Variants in CYTH4 observed in about 807,000 individuals in gnomAD.
CYTH4 encodes cytohesin-4.
CYTH4 carries 22 observed loss-of-function variants against 57.5 expected under a neutral mutation model. The observed-to-expected ratio is 0.38, with a 90% CI of 0.27 to 0.55. The LOEUF (loss-of-function observed/expected upper bound fraction) is 0.55. CYTH4 is among the 20% of genes least tolerant of loss of function. CYTH4 has a pLI of 0.74. For missense variants in CYTH4, 420 were observed against 535.6 expected, an observed-to-expected ratio of 0.78 and a Z score of 2.13; for synonymous variants, 186 against 206.5, an observed-to-expected ratio of 0.90 and a Z score of 0.85.
intron 1 of CYTH4, among the ~76,000 whole-genome samples, chr22:37,284,788 G>A (rs1288243563): frequency 1.3e-5 from 2 of 152,320 alleles, no homozygotes; most frequent in East Asian, 3.9e-4. Context: ...CCTGAGGTGG[G>A]CCTGTGTCGG....
At chr22:37,312,199 C>A (rs1445875110) in intron 12 of CYTH4, 25 bp downstream of exon 12, 1 of 1,605,814 alleles carries the variant, frequency 6.2e-7, no homozygotes, top group Non-Finnish European at 8.5e-7. Context: ...GGTCTGGGGA[C>A]GGCTTCCCGT....
intron 8 of CYTH4, among the ~76,000 whole-genome samples, chr22:37,308,581 C>T (rs561995047): frequency 9.5e-5 from 14 of 147,554 alleles, no homozygotes; most frequent in South Asian, 2.2e-4. Context: ...TATGTGTGAG[C>T]GTGTATATGT....
At chr22:37,310,916 T>A in intron 9 of CYTH4, 72 bp from the exon 10 acceptor site, 2 of 1,547,594 alleles carry the variant, frequency 1.3e-6, no homozygotes, top group Non-Finnish European at 1.8e-6. Context: ...TCCGAGGACC[T>A]GCCCTTCCCT....
chr22:37,302,399 G>A (rs1293947303), intron 7 of CYTH4, among the ~76,000 whole-genome samples: 1 of 152,170 alleles, frequency 6.6e-6, no homozygotes, highest in Non-Finnish European at 1.5e-5. Flanking sequence ...TTAACTTCCT[G>A]TGCCTCGGTT....
intron 8 of CYTH4, among the ~76,000 whole-genome samples, chr22:37,305,146 C>T (rs1198686157): frequency 1.3e-5 from 2 of 152,208 alleles, no homozygotes; most frequent in African/African-American, 4.8e-5. Context: ...GGTCCTGCCG[C>T]TCTCCCAGGT....
At position 37,301,005 on chromosome 22, in the gene CYTH4, T is replaced by C; in HGVS notation, c.533T>C (p.Val178Ala). 1 of 1,614,028 alleles carries C rather than the reference T, an allele frequency of 6.2e-7. No individual in the cohort carries two copies. The highest frequency in any genetic ancestry group is 1.1e-5 in the South Asian group (1 of 91,070). ...ATRYCLCNPG[V>A]FQSTDTCYVL... ...CGATACTGCCTCTGCAACCCAGGCG[T>C]CTTCCAGTCCACAGGTGCCAGGAGG... The change falls in exon 7 of 13, where the codon GTC becomes GCC. Residue 178 changes from valine to alanine, a missense_variant. By Grantham distance (64) the Val-to-Ala change is moderately conservative (BLOSUM62 0). Coordinates refer to ENST00000248901, the MANE Select transcript of CYTH4 (RefSeq NM_013385.5).
intron 6 of CYTH4, 81 bp downstream of exon 6, chr22:37,299,387 G>A (rs760690983): frequency 4.9e-6 from 6 of 1,222,260 alleles, no homozygotes; most frequent in East Asian, 2.4e-5. Flanking sequence ...CCACATAGCT[G>A]ACAGCACAAA....
At chr22:37,293,224 G>A (rs1011616053) in intron 2 of CYTH4, among the ~76,000 whole-genome samples, 1 of 152,204 alleles carries the variant, frequency 6.6e-6, no homozygotes, top group Non-Finnish European at 1.5e-5. Flanking sequence ...GGCTGCAGTG[G>A]CTGTGCCCAC....
At position 37,297,654 on chromosome 22, in the gene CYTH4, A is replaced by G. The variant is rs779569731; in HGVS notation, c.325A>G (p.Thr109Ala). Residue 109 changes from threonine (T) to alanine (A), a missense_variant, in exon 5 of 13, where the codon ACA (threonine) becomes GCA (alanine). Thr to Ala is a moderately conservative substitution (Grantham distance 58, BLOSUM62 0). Coordinates refer to ENST00000248901, the MANE Select transcript of CYTH4 (RefSeq NM_013385.5). The stretch of plus-strand genomic sequence containing the variant: ...GTATAAAGGCGAGGGCCTCAACAAG[A>G]CAGCCATTGGTACCTACCTGGGGGA... ...FLYKGEGLNKTAIGTYLGERD... is the reference protein window; with the variant it reads ...FLYKGEGLNKAAIGTYLGERD... 50 of 1,613,772 alleles carry G rather than the reference A, an allele frequency of 3.1e-5. No homozygotes were observed. The highest frequency in any genetic ancestry group is 4.2e-5 in the Non-Finnish European group (49 of 1,179,842).
chr22:37,312,302 A>C, intron 12 of CYTH4, 128 bp downstream of exon 12: 2 of 1,282,830 alleles, frequency 1.6e-6, no homozygotes. Context: ...TGGCTGGCAA[A>C]CCCCTTCCAC....
chr22:37,307,256 G>A (rs1929432846), intron 8 of CYTH4, among the ~76,000 whole-genome samples: 2 of 152,250 alleles, frequency 1.3e-5, no homozygotes, highest in African/African-American at 4.8e-5. Flanking sequence ...GGGGCAGAAT[G>A]TACAGGCTGA....
rs2145860000 is a variant in CYTH4 at position 37,295,651 on chromosome 22, G to A, written c.168-348G>A. 6.6e-6 allele frequency among the ~76,000 whole-genome samples: 1 copy of A among 152,298 alleles called. No individual in the cohort carries two copies. Among genetic ancestry groups the A allele is most frequent in the South Asian group, 2.1e-4 (1 of 4,830 alleles). On this transcript the variant is annotated intron_variant, in intron 3 of 12. Coordinates refer to ENST00000248901, the MANE Select transcript of CYTH4 (RefSeq NM_013385.5). This position sits in a 1 kb window ranked among gnomAD's most constrained non-coding sequence, Gnocchi z 4.1. The stretch of plus-strand genomic sequence containing the variant: ...GACTCGCCCAAAGCAGCCCGGCTCA[G>A]ATTCGCATCCAGGAGCCTGGCTCCA...
At chr22:37,309,363 A>C in intron 9 of CYTH4, 40 bp downstream of exon 9, 9 of 1,571,770 alleles carry the variant, frequency 5.7e-6, no homozygotes, top group Non-Finnish European at 7.9e-6. Flanking sequence ...ACACACACTC[A>C]TGCACGCGCG....
chr22:37,299,284 C>G lies in CYTH4; in HGVS notation c.412C>G (p.Leu138Val). 2 of 1,614,162 alleles carry G rather than the reference C, an allele frequency of 1.2e-6. No homozygotes were observed. The highest frequency in any genetic ancestry group is 2.2e-5 in the South Asian group (2 of 91,088). Reference protein sequence around the residue: ...AFVDCHEFANLNLVQALRQFL... With the variant: ...AFVDCHEFANVNLVQALRQFL... ...CGTGGACTGCCACGAGTTCGCCAAC[C>G]TCAACCTCGTCCAGGCCCTCAGGTG... The change falls in exon 6 of 13, where the codon CTC becomes GTC. Residue 138 changes from leucine to valine, a missense_variant. Leu to Val is a conservative substitution (Grantham distance 32). Coordinates refer to ENST00000248901, the MANE Select transcript of CYTH4 (RefSeq NM_013385.5).
At position 37,311,344 on chromosome 22, in the gene CYTH4, G is replaced by T. The variant is rs534012504; in HGVS notation, c.886-112G>T. On this transcript the variant is annotated intron_variant, in intron 10 of 12. Coordinates refer to ENST00000248901, the MANE Select transcript of CYTH4 (RefSeq NM_013385.5). This position sits in a 1 kb window ranked among gnomAD's most constrained non-coding sequence, Gnocchi z 4.4. ...CGTCCCCCTATGACTGGACAGTCTC[G>T]GAAGATGAGCACGCTCCTCTTTGAG... 8 of 972,958 alleles carry T rather than the reference G, an allele frequency of 8.2e-6. No individual in the cohort carries two copies. The Admixed American group carries it at 1.6e-4, about 19-fold the overall frequency. 60.3% of individuals were successfully genotyped at this position (972,958 alleles called of 1,614,324 possible).
intron 8 of CYTH4, among the ~76,000 whole-genome samples, chr22:37,308,327 CTGTGTGTGTAAGCATGCA>C (rs1182499214): frequency 6.6e-6 from 1 of 152,134 alleles, no homozygotes; most frequent in African/African-American, 2.4e-5. Flanking sequence ...GTGTCTGTGT[CTGTGTGTGTAAGCATGCA>C]TGTGTGTGTG....
At chr22:37,299,957 C>G (rs552075090) in intron 6 of CYTH4, 1 of 682,134 alleles carries the variant, frequency 1.5e-6, no homozygotes, top group East Asian at 2.8e-5. Context: ...CACCACTGCA[C>G]TCCAGCCTGG....
intron 7 of CYTH4, among the ~76,000 whole-genome samples, chr22:37,302,692 G>A (rs561429759): frequency 5.3e-5 from 8 of 152,162 alleles, no homozygotes; most frequent in Admixed American, 2.6e-4. Flanking sequence ...CCAAATACTC[G>A]ACAAAAGACC....
intron 1 of CYTH4, among the ~76,000 whole-genome samples, chr22:37,290,568 T>A (rs138881030): frequency 1.6e-3 from 238 of 152,232 alleles, no homozygotes; most frequent in Non-Finnish European, 2.3e-3. Context: ...TGCAGTGGCA[T>A]GATCTGGGCT....
Sources: gnomAD v4.1 joint callset for allele counts (sites outside exome capture counted in the v4.1 genomes callset) on GRCh38, gnomAD v4.1.1 for gene constraint, Gnocchi (gnomAD v3.1) non-coding constraint, MANE v1.5 for transcripts, NCBI Gene and HGNC (gene_info 2026-07-23, HGNC 2026-07-21) for gene names.